ITPR3: variants seen among roughly 807,000 people sequenced by gnomAD.
ITPR3 encodes the protein inositol 1,4,5-trisphosphate receptor type 3, also known as inositol 1,4,5-trisphosphate-gated calcium channel ITPR3.
In ITPR3, 173 loss-of-function variants were observed where a neutral mutation model predicts 293.2. The observed-to-expected ratio is 0.59, with a 90% CI of 0.52 to 0.67. The LOEUF is 0.67. ITPR3 is among the 30% of genes least tolerant of loss of function. The pLI, the probability that ITPR3 is intolerant of heterozygous loss-of-function variation, is 0.00. For synonymous variants in ITPR3, 1,295 were observed against 1,444.4 expected (o/e 0.90, Z 2.35); for missense variants, 2,796 against 3,592.1 (o/e 0.78, Z 5.66).
Position 33,667,166 on chromosome 6 carries a change from G to T in ITPR3, c.1589G>T (p.Gly530Val), listed in dbSNP as rs758202660. Reference protein sequence around the residue: ...GILKAPFREKGGEGPLVRLEE... With the variant: ...GILKAPFREKVGEGPLVRLEE... ...CTGAAGGCCCCGTTCCGTGAGAAGG[G>T]GGGTGAAGGTCCCCTGGTGCGGCTG... Residue 530 changes from glycine (G) to valine (V), a missense_variant, in exon 15 of 58, where the codon GGG becomes GTG. By Grantham distance (109) the Gly-to-Val change is moderately radical. This residue lies in a region of ITPR3 where 955 missense variants were observed against 1,180.8 expected (regional missense o/e 0.81). Transcript: ENST00000605930. The surrounding 1 kb of genome is among the most constrained non-coding windows in gnomAD (Gnocchi z 4.4). The T allele has an allele frequency of 2.9e-5, 47 of 1,614,050 alleles. 2 individuals carry two copies. The South Asian group carries it at 3.8e-4, about 13-fold the overall frequency.
In ITPR3 at chr6:33,670,212, C is replaced by G; in HGVS notation, c.2190-113C>G. 2.6e-6 allele frequency: 3 copies of G among 1,169,964 alleles called. No homozygotes were observed. The South Asian group carries it at 4.2e-5, about 16-fold the overall frequency. The allele number at this position is 1,169,964 out of a possible 1,614,324, so 72.5% of individuals were successfully genotyped here. A position where few individuals can be genotyped will look rare whatever the true frequency, so the allele number is the denominator to read the frequency against. ...TAACTCAGAATTGCAGCTGGCGCAT[C>G]TTTAACCTAATCCCTTTGCCACTTT... On this transcript the variant is annotated intron_variant, in intron 18 of 57. Coordinates refer to ENST00000605930, the MANE Select transcript of ITPR3 (RefSeq NM_002224.4). This position sits in a 1 kb window ranked among gnomAD's most constrained non-coding sequence, Gnocchi z 6.7.
chr6:33,691,618 G>T lies in ITPR3; in HGVS notation c.7229G>T (p.Ser2410Ile), dbSNP rs1765392293. The change falls in exon 53 of 58, where the codon AGC (serine) becomes ATC (isoleucine). Residue 2410 changes from serine to isoleucine, a missense_variant. This residue lies in a region of ITPR3 where 568 missense variants were observed against 796.1 expected (regional missense o/e 0.71). Coordinates refer to ENST00000605930, the MANE Select transcript of ITPR3 (RefSeq NM_002224.4). This position sits in a 1 kb window ranked among gnomAD's most constrained non-coding sequence, Gnocchi z 4.9. Reference sequence around the variant, plus strand: ...ATCTCATCCATATCCCCTCCAGCCAGCCCCCTGGGGATGCCACATGGAGCT... The same window carrying T: ...ATCTCATCCATATCCCCTCCAGCCATCCCCCTGGGGATGCCACATGGAGCT... The part of the protein sequence containing the change: ...DRLPNNHSTA[S>I]PLGMPHGAAA... 6.2e-7 allele frequency: 1 copy of T among 1,613,718 alleles called. No individual in the cohort carries two copies.
In ITPR3 at chr6:33,684,593, C is replaced by T. The variant is rs747354692; in HGVS notation, c.5047-5C>T. The T allele has an allele frequency of 2.5e-6, 4 of 1,614,070 alleles. No individual in the cohort carries two copies. Among genetic ancestry groups the T allele is most frequent in the Middle Eastern group, 1.6e-4 (1 of 6,062 alleles). On this transcript the variant is annotated splice_polypyrimidine_tract_variant and splice_region_variant and intron_variant, in intron 37 of 57. Transcript: ENST00000605930. The surrounding 1 kb of genome is among the most constrained non-coding windows in gnomAD (Gnocchi z 4.2). ...CAATGGGGCCTCACTCCCATCCTCCCCCAGGGCAACCAGCTGCGCAAGATG... is the reference window on the plus strand; with the variant it reads ...CAATGGGGCCTCACTCCCATCCTCCTCCAGGGCAACCAGCTGCGCAAGATG...
chr6:33,631,825 GT>G (rs1381353420), intron 1 of ITPR3, among the ~76,000 whole-genome samples: 5 of 152,296 alleles, frequency 3.3e-5, no homozygotes, highest in Middle Eastern at 3.4e-3. Flanking sequence ...CGGCCCTTAT[GT>G]GGGCGTGACA....
chr6:33,666,302 T>TAAAAAATTTTTTA lies in ITPR3; in HGVS notation c.1551+331_1551+332insATTTTTTAAAAAA, dbSNP rs571314133. Among the ~76,000 whole-genome samples, 6,115 of 152,208 alleles carry TAAAAAATTTTTTA rather than the reference T, an allele frequency of 0.04. 131 individuals are homozygous for TAAAAAATTTTTTA. Among genetic ancestry groups the TAAAAAATTTTTTA allele is most frequent in the Non-Finnish European group, 0.047 (3,208 of 68,008 alleles). ...AGAGCTGTGCTTCAAAAAATTTTTT[T>TAAAAAATTTTTTA]AAAAATTTTTTTATTATGAGAATCA... is the stretch of plus-strand genomic sequence containing the variant. On this transcript the variant is annotated intron_variant, in intron 14 of 57. Transcript: ENST00000605930. The surrounding 1 kb of genome is among the most constrained non-coding windows in gnomAD (Gnocchi z 5.1).
Position 33,691,149 on chromosome 6 carries a change from G to A in ITPR3, c.7225+40G>A. On this transcript the variant is annotated intron_variant, in intron 52 of 57. Coordinates refer to ENST00000605930, the MANE Select transcript of ITPR3 (RefSeq NM_002224.4). This position sits in a 1 kb window ranked among gnomAD's most constrained non-coding sequence, Gnocchi z 4.9. ...CTCTCCTGGGCAGGTTGTGGGGAAT[G>A]AGGTTGGGTCTCACAAATGTCTGGC... is the stretch of plus-strand genomic sequence containing the variant. 6.3e-7 allele frequency: 1 copy of A among 1,599,678 alleles called. No individual in the cohort carries two copies. Among genetic ancestry groups the A allele is most frequent in the South Asian group, 1.1e-5 (1 of 90,578 alleles).
At chr6:33,668,823 A>C in intron 17 of ITPR3, 151 bp from the exon 18 acceptor site, 1 of 1,177,806 alleles carries the variant, frequency 8.5e-7, no homozygotes, top group Non-Finnish European at 1.2e-6. Flanking sequence ...GGCACAGAAA[A>C]GAATGAGCCA....
intron 55 of ITPR3, 70 bp from the exon 56 acceptor site, chr6:33,693,475 C>T: frequency 6.5e-7 from 1 of 1,541,016 alleles, no homozygotes; most frequent in Non-Finnish European, 8.9e-7. Context: ...AAGCTGGGTC[C>T]CCTCCAGCAG....
At chr6:33,668,365 G>A (rs1169428367) in intron 16 of ITPR3, 150 bp from the exon 17 acceptor site, 11 of 1,077,602 alleles carry the variant, frequency 1.0e-5, no homozygotes, top group East Asian at 2.6e-5. Context: ...TTGGGGAGCT[G>A]GGAGTCCATC....
chr6:33,662,438 C>A, intron 7 of ITPR3, 90 bp from the exon 8 acceptor site: 1 of 1,447,188 alleles, frequency 6.9e-7, no homozygotes, highest in Non-Finnish European at 9.2e-7. Flanking sequence ...AGCAGCCAAC[C>A]CTGTCTGAGG....
Position 33,678,413 on chromosome 6 carries a change from G to A in ITPR3, c.3649-8G>A. 1.2e-6 allele frequency: 2 copies of A among 1,612,792 alleles called. No homozygotes were observed. The highest frequency in any genetic ancestry group is 1.7e-6 in the Non-Finnish European group (2 of 1,179,328). ...GCCCAGCACCCTCTCCCTGACTCCT[G>A]TGTCCAGGGTGATGCCAAGATGATG... On this transcript the variant is annotated splice_region_variant and splice_polypyrimidine_tract_variant and intron_variant, in intron 28 of 57. Coordinates refer to ENST00000605930, the MANE Select transcript of ITPR3 (RefSeq NM_002224.4).
intron 55 of ITPR3, 121 bp downstream of exon 55, chr6:33,693,014 G>A (rs1017141650): frequency 3.2e-6 from 3 of 941,106 alleles, no homozygotes; most frequent in Non-Finnish European, 4.8e-6. Context: ...CTGATGACTT[G>A]ATGCATTTGC....
In ITPR3 at chr6:33,691,971, A is replaced by C. The variant is rs754632840; in HGVS notation, c.7458+43A>C. The C allele has an allele frequency of 1.2e-6, 2 of 1,612,356 alleles. No homozygotes were observed. Among genetic ancestry groups the C allele is most frequent in the South Asian group, 2.2e-5 (2 of 91,082 alleles). ...CTCCCAAACCTGTGGGGCCCAAGCC[A>C]CTGTCCAGATCAGCAACTGTGGAGA... On this transcript the variant is annotated intron_variant, in intron 54 of 57. Transcript: ENST00000605930. This position sits in a 1 kb window ranked among gnomAD's most constrained non-coding sequence, Gnocchi z 4.9.
rs571983691 is a variant in ITPR3, at chr6:33,670,706, A to G, written c.2477A>G (p.Lys826Arg). 4 of 1,614,126 alleles carry G rather than the reference A, an allele frequency of 2.5e-6. No individual in the cohort carries two copies. Among genetic ancestry groups the G allele is most frequent in the African/African-American group, 1.3e-5 (1 of 75,038 alleles). Residue 826 changes from lysine to arginine, a missense_variant, in exon 20 of 58, where the codon AAG (lysine) becomes AGG (arginine). Around this residue, in one of 8 missense-constraint regions of ITPR3, gnomAD observed 955 missense variants for 1,180.8 expected, o/e 0.81. Transcript: ENST00000605930. The surrounding 1 kb of genome is among the most constrained non-coding windows in gnomAD (Gnocchi z 6.7). ...AACCTCAACGCGTCCCGAGATGACA[A>G]GAAGAACAAGTTTGCCAACACCATG... is the stretch of plus-strand genomic sequence containing the variant. ...DSNLNASRDDKKNKFANTMEF... is the reference protein window; with the variant it reads ...DSNLNASRDDRKNKFANTMEF...
At chr6:33,634,050 G>C (rs1763758382) in intron 1 of ITPR3, among the ~76,000 whole-genome samples, 1 of 152,156 alleles carries the variant, frequency 6.6e-6, no homozygotes. Flanking sequence ...CATCTGATAA[G>C]AGCTTTCTTG....
chr6:33,646,724 C>G (rs750351454), intron 2 of ITPR3, among the ~76,000 whole-genome samples: 58 of 152,068 alleles, frequency 3.8e-4, no homozygotes, highest in Non-Finnish European at 7.8e-4. Flanking sequence ...TTGAGACCAG[C>G]CTGGGCAACA....
chr6:33,675,663 C>CA lies in ITPR3; in HGVS notation c.3117-27dup, dbSNP rs1764885922. On this transcript the variant is annotated intron_variant, in intron 24 of 57. Transcript: ENST00000605930. This position sits in a 1 kb window ranked among gnomAD's most constrained non-coding sequence, Gnocchi z 5.0. ...CAGCAGGGAGTGTGCCAGTCTCACC[C>CA]ATGCGCCCTGCACCCTTGTGCCCGC... 6.4e-7 allele frequency: 1 copy of CA among 1,568,056 alleles called. No individual in the cohort carries two copies. Among genetic ancestry groups the CA allele is most frequent in the Non-Finnish European group, 8.7e-7 (1 of 1,153,848 alleles).
intron 2 of ITPR3, among the ~76,000 whole-genome samples, chr6:33,644,880 T>C (rs924017504): frequency 4.0e-5 from 6 of 151,444 alleles, no homozygotes; most frequent in Non-Finnish European, 5.9e-5. Flanking sequence ...GCCAGGCTGG[T>C]CTTAAACTCC....
Position 33,690,175 on chromosome 6 carries a change from C to T in ITPR3, c.7009C>T (p.His2337Tyr), listed in dbSNP as rs1217265466. ...GACCAGTGTCCTGGGCCTCTTTGCT[C>T]ATGAGCTGTTCTACAGCATCCTGGT... ...ILTSVLGLFA[H>Y]ELFYSILLFD... Residue 2337 changes from histidine (H) to tyrosine (Y), a missense_variant, in exon 51 of 58, where the codon CAT becomes TAT. Physicochemically the swap from His to Tyr is moderately conservative, Grantham distance 83. Transcript: ENST00000605930. 6.2e-7 allele frequency: 1 copy of T among 1,611,980 alleles called. No homozygotes were observed. Among genetic ancestry groups the T allele is most frequent in the Non-Finnish European group, 8.5e-7 (1 of 1,178,894 alleles).
Sources: allele counts gnomAD v4.1 joint callset (sites outside exome capture counted in the v4.1 genomes callset), GRCh38; gene constraint gnomAD v4.1.1; regional missense constraint gnomAD v4.1.1; non-coding constraint Gnocchi (gnomAD v3.1); transcripts MANE v1.5; gene names NCBI Gene and HGNC (gene_info 2026-07-23, HGNC 2026-07-21).